PRKN: variants seen among roughly 807,000 people sequenced by gnomAD.
PRKN encodes parkin RBR E3 ubiquitin protein ligase.
PRKN carries 56 observed loss-of-function variants against 59.5 expected under a neutral mutation model. The observed-to-expected ratio is 0.94, with a 90% CI of 0.76 to 1.18. PRKN has a LOEUF of 1.18. PRKN is among the 50% of genes most tolerant of loss of function. The pLI, the probability that PRKN is intolerant of heterozygous loss-of-function variation, is 0.00. For missense variants in PRKN, 657 were observed against 596.4 expected, an observed-to-expected ratio of 1.10 and a Z score of -1.06; for synonymous variants, 250 against 222.1, an observed-to-expected ratio of 1.13 and a Z score of -1.12.
At chr6:162,339,405 G>A (rs1181548689) in intron 2 of PRKN, among the ~76,000 whole-genome samples, 2 of 144,826 alleles carry the variant, frequency 1.4e-5, no homozygotes, top group East Asian at 2.2e-4. Context: ...TCAGCCCCCC[G>A]CCCGGCCAGC....
chr6:162,214,008 C>T (rs960094274), intron 3 of PRKN, among the ~76,000 whole-genome samples: 8 of 151,892 alleles, frequency 5.3e-5, no homozygotes, highest in African/African-American at 1.9e-4. Flanking sequence ...AGCCATGCAC[C>T]CTAGATCAAA....
At chr6:162,249,153 C>T (rs1453831380) in intron 3 of PRKN, among the ~76,000 whole-genome samples, 1 of 152,188 alleles carries the variant, frequency 6.6e-6, no homozygotes, top group Non-Finnish European at 1.5e-5. Context: ...GCTGGGATTA[C>T]AGGCGTGAGC....
At chr6:162,610,167 A>G (rs2128218633) in intron 1 of PRKN, among the ~76,000 whole-genome samples, 1 of 152,238 alleles carries the variant, frequency 6.6e-6, no homozygotes, top group South Asian at 2.1e-4. Flanking sequence ...CCTTCTTCAC[A>G]ACAACCCTGT....
At position 161,459,277 on chromosome 6, in the gene PRKN, G is replaced by C. The variant is rs537840739; in HGVS notation, c.1084-72400C>G. Among the ~76,000 whole-genome samples the C allele has an allele frequency of 5.3e-5, 8 of 152,332 alleles. No individual in the cohort carries two copies. The highest frequency in any genetic ancestry group is 1.7e-4 in the African/African-American group (7 of 41,572). ...TCTTCCTGCCAGTCTGCAACCTAAA[G>C]GAAATGCTGTGGTCTCTCTCTTAAG... On this transcript the variant is annotated intron_variant, in intron 9 of 11. Transcript: ENST00000366898. The surrounding 1 kb of genome is among the most constrained non-coding windows in gnomAD (Gnocchi z 4.8).
At chr6:162,187,836 A>C (rs1217875276) in intron 4 of PRKN, among the ~76,000 whole-genome samples, 1 of 152,124 alleles carries the variant, frequency 6.6e-6, no homozygotes, top group African/African-American at 2.4e-5. Context: ...CCACCACCAG[A>C]TACAGCGTGA....
At chr6:161,557,069 G>T (rs1780264543) in intron 8 of PRKN, among the ~76,000 whole-genome samples, 1 of 152,094 alleles carries the variant, frequency 6.6e-6, no homozygotes, top group Non-Finnish European at 1.5e-5. Flanking sequence ...TATTCACAAA[G>T]AATACTACTC....
At chr6:161,991,147 G>A (rs1207015039) in intron 5 of PRKN, among the ~76,000 whole-genome samples, 2 of 152,084 alleles carry the variant, frequency 1.3e-5, no homozygotes, top group Non-Finnish European at 2.9e-5. Flanking sequence ...TACCAACAAA[G>A]CTATCTTTCA....
intron 2 of PRKN, among the ~76,000 whole-genome samples, chr6:162,278,969 T>G (rs1583306356): frequency 6.6e-6 from 1 of 152,184 alleles, no homozygotes; most frequent in African/African-American, 2.4e-5. Flanking sequence ...TTTAAAAAAT[T>G]TTTTAAAGGT....
chr6:162,391,146 T>G (rs11756493), intron 2 of PRKN, among the ~76,000 whole-genome samples: 28,361 of 152,112 alleles, frequency 0.19, 3,155 homozygotes, highest in Non-Finnish European at 0.23. Flanking sequence ...CTCGAAAATC[T>G]GCAATGACTT....
chr6:162,414,948 G>T (rs923617506), intron 2 of PRKN, among the ~76,000 whole-genome samples: 2 of 152,016 alleles, frequency 1.3e-5, no homozygotes, highest in African/African-American at 4.8e-5. Flanking sequence ...TTACAGACCA[G>T]TAAAATTTCT....
intron 1 of PRKN, among the ~76,000 whole-genome samples, chr6:162,507,304 C>A (rs556307230): frequency 6.6e-6 from 1 of 152,094 alleles, no homozygotes; most frequent in Admixed American, 6.6e-5. Flanking sequence ...TATGATTTCA[C>A]TCCTATGCTT....
At chr6:161,680,754 TATA>T (rs1785304078) in intron 7 of PRKN, among the ~76,000 whole-genome samples, 3 of 23,310 alleles carry the variant, frequency 1.3e-4, no homozygotes, top group African/African-American at 3.9e-4. Context: ...TATATATATA[TATA>T]TATATATATA....
intron 5 of PRKN, among the ~76,000 whole-genome samples, chr6:162,025,885 G>A (rs1452023116): frequency 7.2e-5 from 11 of 151,916 alleles, no homozygotes; most frequent in African/African-American, 1.5e-4. Context: ...CACTGCCCCC[G>A]GGCCATGGTG....
chr6:161,809,349 G>A (rs118128376), intron 6 of PRKN, among the ~76,000 whole-genome samples: 3,684 of 152,188 alleles, frequency 0.024, 64 homozygotes, highest in South Asian at 0.054. Context: ...TGAGGAGGTG[G>A]ATTCTGGACT....
chr6:162,194,840 C>T (rs529477582), intron 4 of PRKN, among the ~76,000 whole-genome samples: 5 of 152,098 alleles, frequency 3.3e-5, no homozygotes, highest in African/African-American at 9.6e-5. Flanking sequence ...TGGCTCTTTG[C>T]GAGGTGAGTG....
intron 5 of PRKN, among the ~76,000 whole-genome samples, chr6:162,021,195 T>TAA (rs386409180): frequency 1.8e-5 from 2 of 113,688 alleles, no homozygotes; most frequent in African/African-American, 3.1e-5. Flanking sequence ...ATTATATATA[T>TAA]AATATATATA....
chr6:162,585,724 T>C (rs1248512850), intron 1 of PRKN, among the ~76,000 whole-genome samples: 1 of 152,090 alleles, frequency 6.6e-6, no homozygotes, highest in Non-Finnish European at 1.5e-5. Context: ...TTATTTGATA[T>C]GGAGTTTTGC....
chr6:162,341,124 GACATTTATGCGGCCAAGAA>G (rs1784157303), intron 2 of PRKN, among the ~76,000 whole-genome samples: 1 of 151,924 alleles, frequency 6.6e-6, no homozygotes, highest in Non-Finnish European at 1.5e-5. Context: ...CACTTCTCAA[GACATTTATGCGGCCAAGAA>G]ACATATGAAA....
chr6:161,976,705 C>T (rs1025608670), intron 5 of PRKN, among the ~76,000 whole-genome samples: 4 of 152,132 alleles, frequency 2.6e-5, no homozygotes, highest in Non-Finnish European at 5.9e-5. Context: ...GAGCTAGCTA[C>T]GACTGGTTTT....
Sources: allele counts gnomAD v4.1 joint callset (sites outside exome capture counted in the v4.1 genomes callset), GRCh38; gene constraint gnomAD v4.1.1; non-coding constraint Gnocchi (gnomAD v3.1); transcripts MANE v1.5; gene names NCBI Gene and HGNC (gene_info 2026-07-23, HGNC 2026-07-21).